Variants in ABCB5 observed in about 807,000 individuals in gnomAD.
The protein encoded by ABCB5 is ATP-binding cassette sub-family B member 5.
Under a neutral mutation model 144.2 loss-of-function variants are expected in ABCB5, and 155 were observed. The ratio of observed to expected loss-of-function variants is 1.08; its 90% CI spans 0.94 to 1.23. ABCB5 has a LOEUF of 1.23. Ranked by LOEUF, ABCB5 falls within the 50% of genes most tolerant of loss-of-function variation. ABCB5 has a pLI of 0.00. For synonymous variants in ABCB5, 610 were observed against 528.6 expected (o/e 1.15, Z -2.11); for missense variants, 1,830 against 1,520.8 (o/e 1.20, Z -3.38).
intron 14 of ABCB5, among the ~76,000 whole-genome samples, chr7:20,663,094 C>A (rs1785057817): frequency 6.6e-6 from 1 of 152,202 alleles, no homozygotes; most frequent in South Asian, 2.1e-4. Context: ...GAAGCCAGAA[C>A]CCAGACCACT....
At position 20,743,042 on chromosome 7, in the gene ABCB5, CAG is replaced by C. The variant is rs1562589704; in HGVS notation, c.3194_3195del (p.Arg1065ThrfsTer3). ...GAAAAGCACTTCTGTTCAACTTCTG[CAG>C]AGACTTTATGACCCCGTGCAAGGAC... is the stretch of plus-strand genomic sequence containing the variant. Reference protein sequence around the residue: ...CGKSTSVQLLQRLYDPVQGQV... With the variant: ...CGKSTSVQLLXRLYDPVQGQV... On this transcript the variant is annotated frameshift_variant, in exon 25 of 28. Transcript: ENST00000404938. LOFTEE classifies it high-confidence loss of function. The C allele has an allele frequency of 6.2e-7, 1 of 1,614,102 alleles. No individual in the cohort carries two copies.
In ABCB5 at chr7:20,739,236, A is replaced by T. The variant is rs1219135466; in HGVS notation, c.3024+97A>T. ...GGAGGGAGAGAGGGGCAAGGGCTGA[A>T]AAACTAACCATTGGGTGCTATACTC... On this transcript the variant is annotated intron_variant, in intron 24 of 27. Transcript: ENST00000404938. 7 of 1,285,398 alleles carry T rather than the reference A, an allele frequency of 5.4e-6. No individual in the cohort carries two copies. The African/African-American group carries it at 1.1e-4, about 19-fold the overall frequency. The allele number at this position is 1,285,398 out of a possible 1,614,324, so 79.6% of individuals were successfully genotyped here. A position where few individuals can be genotyped will look rare whatever the true frequency, so the allele number is the denominator to read the frequency against.
intron 16 of ABCB5, among the ~76,000 whole-genome samples, chr7:20,690,010 C>G (rs530696810): frequency 1.3e-5 from 2 of 152,238 alleles, no homozygotes; most frequent in African/African-American, 4.8e-5. Context: ...GCCATCATGA[C>G]AAGTTTGGAT....
At chr7:20,632,682 TA>T (rs539659135) in intron 5 of ABCB5, among the ~76,000 whole-genome samples, 1 of 152,134 alleles carries the variant, frequency 6.6e-6, no homozygotes, top group African/African-American at 2.4e-5. Flanking sequence ...TATGCAGCCA[TA>T]AAAAATGATG....
chr7:20,652,301 C>T (rs1017202520), intron 13 of ABCB5, among the ~76,000 whole-genome samples: 5 of 152,198 alleles, frequency 3.3e-5, no homozygotes, highest in African/African-American at 4.8e-5. Context: ...GGTGCGGTGG[C>T]TCACGCGTGT....
rs77281007 is a variant in ABCB5, at chr7:20,667,008, G to A, written c.1707+8332G>A. 1,587 of 687,340 alleles carry A rather than the reference G, an allele frequency of 2.3e-3. 42 individuals carry two copies. In the South Asian group the frequency reaches 0.042, roughly 18 times the overall value. 42.6% of individuals were successfully genotyped at this position (687,340 alleles called of 1,614,324 possible). ...TGTTGTTCACTATGAGGAGTATATCGGTTTTAGGTCACATGAATGATCTAG... is the reference window on the plus strand; with the variant it reads ...TGTTGTTCACTATGAGGAGTATATCAGTTTTAGGTCACATGAATGATCTAG... On this transcript the variant is annotated intron_variant, in intron 14 of 27. Transcript: ENST00000404938.
intron 7 of ABCB5, among the ~76,000 whole-genome samples, chr7:20,645,069 A>C (rs1161045107): frequency 6.6e-6 from 1 of 152,210 alleles, no homozygotes; most frequent in Non-Finnish European, 1.5e-5. Flanking sequence ...TTCATTGATC[A>C]TGGAGAGGAA....
intron 13 of ABCB5, among the ~76,000 whole-genome samples, chr7:20,658,154 A>G (rs1270152050): frequency 6.6e-6 from 1 of 152,180 alleles, no homozygotes; most frequent in Non-Finnish European, 1.5e-5. Flanking sequence ...GAAAATAGGT[A>G]TTTGTATTAC....
chr7:20,695,618 A>T (rs1335848438), intron 16 of ABCB5, among the ~76,000 whole-genome samples: 7 of 151,992 alleles, frequency 4.6e-5, no homozygotes, highest in Non-Finnish European at 7.4e-5. Context: ...CTTCAAAGAA[A>T]ATGAAAAGGA....
Position 20,713,083 on chromosome 7 carries a change from T to C in ABCB5, c.2421+8276T>C, listed in dbSNP as rs1163611018. Among the ~76,000 whole-genome samples the C allele has an allele frequency of 8.0e-5, 12 of 149,800 alleles. 1 individual carries two copies. Among genetic ancestry groups the C allele is most frequent in the Admixed American group, 7.3e-4 (11 of 15,006 alleles). ...TCCCCATCTCCTAGAAACCATGATT[T>C]TACTCTCTGTCTCTATGAGTTTGGC... On this transcript the variant is annotated intron_variant, in intron 20 of 27. Transcript: ENST00000404938.
At chr7:20,668,535 C>T (rs1298224991) in intron 14 of ABCB5, among the ~76,000 whole-genome samples, 14 of 151,924 alleles carry the variant, frequency 9.2e-5, no homozygotes, top group Admixed American at 9.2e-4. Context: ...GCAGCCACCC[C>T]GTCTGGGAAA....
chr7:20,717,437 CTT>C (rs557306157), intron 20 of ABCB5, among the ~76,000 whole-genome samples: 23 of 132,980 alleles, frequency 1.7e-4, no homozygotes, highest in East Asian at 6.5e-4. Flanking sequence ...CAGATTTCCT[CTT>C]TTTTTTTTTT....
Position 20,635,295 on chromosome 7 carries a change from C to T in ABCB5, c.314+3182C>T, listed in dbSNP as rs562962984. ...TATTATACCAGTACCATGATATTTT[C>T]GTTACTATAGCCTTGTAGTACAATT... On this transcript the variant is annotated intron_variant, in intron 5 of 27. Coordinates refer to ENST00000404938, the MANE Select transcript of ABCB5 (RefSeq NM_001163941.2). Among the ~76,000 whole-genome samples, 19 of 151,304 alleles carry T rather than the reference C, an allele frequency of 1.3e-4. No homozygotes were observed. The South Asian group carries it at 4.0e-3, about 31-fold the overall frequency.
chr7:20,729,028 T>C (rs1465149712), intron 23 of ABCB5, among the ~76,000 whole-genome samples: 1 of 152,212 alleles, frequency 6.6e-6, no homozygotes, highest in Non-Finnish European at 1.5e-5. Context: ...ATCAGGGTAA[T>C]TGGGATGAAT....
Position 20,671,531 on chromosome 7 carries a change from T to C in ABCB5, c.1708-9974T>C, listed in dbSNP as rs1168172537. On this transcript the variant is annotated intron_variant, in intron 14 of 27. Coordinates refer to ENST00000404938, the MANE Select transcript of ABCB5 (RefSeq NM_001163941.2). ...TTTGCTTACTGCCACTAGAGATTAG[T>C]TTGTATTTTCTAGAACTTTATATAA... 3.3e-5 allele frequency among the ~76,000 whole-genome samples: 5 copies of C among 152,304 alleles called. No homozygotes were observed. In the East Asian group the frequency reaches 9.6e-4, roughly 29 times the overall value.
chr7:20,627,407 A>G (rs964533258), intron 3 of ABCB5, among the ~76,000 whole-genome samples: 1 of 152,220 alleles, frequency 6.6e-6, no homozygotes, highest in African/African-American at 2.4e-5. Context: ...TGCAACGATG[A>G]ATGGAAAAAT....
At position 20,755,847 on chromosome 7, in the gene ABCB5, C is replaced by T; in HGVS notation, c.*223C>T. ...TAAGTGAAATAATGCTTATATCCTT[C>T]ACTTTATAAAACTATTCTAGCACAT... On this transcript the variant is annotated 3_prime_UTR_variant, in exon 28 of 28. Transcript: ENST00000404938. 1 of 486,794 alleles carries T rather than the reference C, an allele frequency of 2.1e-6. No individual in the cohort carries two copies. The highest frequency in any genetic ancestry group is 3.7e-6 in the Non-Finnish European group (1 of 273,952). The allele number at this position is 486,794 out of a possible 1,614,324, so 30.2% of individuals were successfully genotyped here.
chr7:20,645,177 A>T (rs939875903), intron 7 of ABCB5, among the ~76,000 whole-genome samples: 1 of 152,204 alleles, frequency 6.6e-6, no homozygotes, highest in Non-Finnish European at 1.5e-5. Context: ...TCAACTTGAC[A>T]ATTATCTATT....
chr7:20,724,051 T>C (rs770342675), intron 21 of ABCB5, among the ~76,000 whole-genome samples: 39 of 152,122 alleles, frequency 2.6e-4, no homozygotes, highest in Non-Finnish European at 5.0e-4. Flanking sequence ...TAGGAGTCCC[T>C]TGCACAACAT....
Sources: gnomAD v4.1 joint callset for allele counts (sites outside exome capture counted in the v4.1 genomes callset) on GRCh38, gnomAD v4.1.1 for gene constraint, MANE v1.5 for transcripts, NCBI Gene and HGNC (gene_info 2026-07-23, HGNC 2026-07-21) for gene names.